Variants in CAMTA1 observed in about 807,000 individuals in gnomAD.
The protein encoded by CAMTA1 is calmodulin-binding transcription activator 1.
In CAMTA1, 27 loss-of-function variants were observed where a neutral mutation model predicts 170.9. That is an observed-to-expected ratio of 0.16 (90% CI 0.12 to 0.22). The LOEUF (loss-of-function observed/expected upper bound fraction) is 0.22. Ranked by LOEUF, CAMTA1 falls within the 10% of genes least tolerant of loss-of-function variation. CAMTA1 has a pLI of 1.00. For missense variants in CAMTA1, 1,619 were observed against 2,217.2 expected (o/e 0.73, Z 5.42); for synonymous variants, 833 against 891.5 (o/e 0.93, Z 1.17).
In CAMTA1 at chr1:7,432,617, G is replaced by A. The variant is rs151225116; in HGVS notation, c.439-35213G>A. Among the ~76,000 whole-genome samples, 1,187 of 152,262 alleles carry A rather than the reference G, an allele frequency of 7.8e-3. 20 individuals are homozygous for A. The highest frequency in any genetic ancestry group is 0.027 in the African/African-American group (1,116 of 41,548). On this transcript the variant is annotated intron_variant, in intron 5 of 22. Coordinates refer to ENST00000303635, the MANE Select transcript of CAMTA1 (RefSeq NM_015215.4). ...GGGCCAGGGCCAGTGCTCTGCCTCC[G>A]TCCGGGCCTCAGCCCACCTCTGGTG...
At chr1:6,902,072 C>CAAAAAAA (rs1553180442) in intron 3 of CAMTA1, among the ~76,000 whole-genome samples, 26 of 88,470 alleles carry the variant, frequency 2.9e-4, no homozygotes, top group Middle Eastern at 6.6e-3. Context: ...CACACACACA[C>CAAAAAAA]AAAAAAAAAA....
chr1:7,407,331 C>T (rs1016843343), intron 5 of CAMTA1, among the ~76,000 whole-genome samples: 3 of 152,062 alleles, frequency 2.0e-5, no homozygotes, highest in African/African-American at 2.4e-5. Flanking sequence ...AGCCCAGGCT[C>T]GGGGAGGGCA....
Position 7,747,936 on chromosome 1 carries a change from G to A in CAMTA1, c.4689+155G>A, listed in dbSNP as rs76631582. ...TTTTTTTTTATTTTTTTTTTGAAAC[G>A]GAGTCTGGCTGTGTCGCCCAGGCTG... On this transcript the variant is annotated intron_variant, in intron 19 of 22. Transcript: ENST00000303635. Among the ~76,000 whole-genome samples, 29 of 149,690 alleles carry A rather than the reference G, an allele frequency of 1.9e-4. No individual in the cohort carries two copies. In the East Asian group the frequency reaches 5.1e-3, roughly 26 times the overall value.
At chr1:7,489,520 G>A (rs761954045) in intron 6 of CAMTA1, among the ~76,000 whole-genome samples, 22 of 152,320 alleles carry the variant, frequency 1.4e-4, no homozygotes, top group Middle Eastern at 6.8e-3. Flanking sequence ...GCATCCATGC[G>A]TGTTAGGGGT....
chr1:6,795,104 G>T (rs983904173), intron 1 of CAMTA1, among the ~76,000 whole-genome samples: 2 of 152,130 alleles, frequency 1.3e-5, no homozygotes, highest in Non-Finnish European at 2.9e-5. Flanking sequence ...AAGATTTAAA[G>T]TTGGGGGGCG....
chr1:7,701,046 C>A (rs945628225), intron 11 of CAMTA1: 1 of 152,328 alleles, frequency 6.6e-6, no homozygotes, highest in South Asian at 2.1e-4. Flanking sequence ...ACAAAAAAAT[C>A]CTTTGTAGAA....
intron 7 of CAMTA1, among the ~76,000 whole-genome samples, chr1:7,647,283 G>GGT (rs1276942359): frequency 6.6e-6 from 1 of 151,888 alleles, no homozygotes; most frequent in Non-Finnish European, 1.5e-5. Flanking sequence ...CCAGAAGGGG[G>GGT]GGGGGCTGTG....
At chr1:6,920,755 T>C (rs903669939) in intron 3 of CAMTA1, among the ~76,000 whole-genome samples, 2 of 152,244 alleles carry the variant, frequency 1.3e-5, no homozygotes, top group Non-Finnish European at 2.9e-5. Context: ...TGCCAAGGCT[T>C]AGGGCTTCCA....
At chr1:7,166,938 G>A (rs1047282635) in intron 4 of CAMTA1, among the ~76,000 whole-genome samples, 1 of 151,488 alleles carries the variant, frequency 6.6e-6, no homozygotes, top group Non-Finnish European at 1.5e-5. Flanking sequence ...AGCCTGCTGA[G>A]TATCTGAGAT....
At chr1:7,425,234 A>G (rs2091812938) in intron 5 of CAMTA1, among the ~76,000 whole-genome samples, 1 of 152,202 alleles carries the variant, frequency 6.6e-6, no homozygotes, top group Admixed American at 6.5e-5. Flanking sequence ...GAAGAGGCTC[A>G]GAGAAGGTGC....
chr1:7,509,798 C>T lies in CAMTA1; in HGVS notation c.510+41897C>T, dbSNP rs905695365. Reference sequence around the variant, plus strand: ...AGAGGCTAGGAGACCTGGGCTTTGCCTCCTGGTGTGAGGGGATGTGGACAT... The same window carrying T: ...AGAGGCTAGGAGACCTGGGCTTTGCTTCCTGGTGTGAGGGGATGTGGACAT... On this transcript the variant is annotated intron_variant, in intron 6 of 22. Transcript: ENST00000303635. Among the ~76,000 whole-genome samples, 3 of 152,102 alleles carry T rather than the reference C, an allele frequency of 2.0e-5. No homozygotes were observed. In the East Asian group the frequency reaches 5.8e-4, roughly 29 times the overall value.
intron 3 of CAMTA1, among the ~76,000 whole-genome samples, chr1:6,825,994 C>T (rs1352436862): frequency 6.6e-6 from 1 of 152,124 alleles, no homozygotes; most frequent in Non-Finnish European, 1.5e-5. Flanking sequence ...CTGGTTTTGC[C>T]AAGTTCCATT....
intron 3 of CAMTA1, among the ~76,000 whole-genome samples, chr1:6,902,745 A>G (rs1677408211): frequency 6.6e-6 from 1 of 152,244 alleles, no homozygotes; most frequent in Non-Finnish European, 1.5e-5. Context: ...AGGGAAATAC[A>G]AGTTAAAACC....
chr1:6,818,874 C>G (rs1408443458), intron 1 of CAMTA1, among the ~76,000 whole-genome samples: 3 of 151,708 alleles, frequency 2.0e-5, no homozygotes, highest in African/African-American at 7.3e-5. Flanking sequence ...CTCCTAAGCT[C>G]AAATAATCCA....
chr1:6,991,530 A>G (rs1357365073), intron 3 of CAMTA1, among the ~76,000 whole-genome samples: 1 of 152,154 alleles, frequency 6.6e-6, no homozygotes, highest in African/African-American at 2.4e-5. Flanking sequence ...TTTGTGACAT[A>G]TCTGCTCCAA....
intron 5 of CAMTA1, among the ~76,000 whole-genome samples, chr1:7,348,539 G>A (rs1214198078): frequency 6.6e-6 from 1 of 151,212 alleles, no homozygotes. Context: ...GGCAGAAACA[G>A]GGTAAAGGTT....
chr1:7,166,105 C>T (rs995655737), intron 4 of CAMTA1, among the ~76,000 whole-genome samples: 9 of 151,262 alleles, frequency 5.9e-5, no homozygotes, highest in Non-Finnish European at 7.4e-5. Flanking sequence ...CTCGCTCTGT[C>T]GCCCAGGCTA....
rs111501680 is a variant in CAMTA1 at position 7,585,636 on chromosome 1, G to A, written c.511-54764G>A. The stretch of plus-strand genomic sequence containing the variant: ...GCTGGCTACTGGTGCAGAGGGCAAG[G>A]GCAGGAGGCTGCAGGAGGACAATGG... On this transcript the variant is annotated intron_variant, in intron 6 of 22. Transcript: ENST00000303635. The surrounding 1 kb of genome is among the most constrained non-coding windows in gnomAD (Gnocchi z 4.8). Among the ~76,000 whole-genome samples the A allele has an allele frequency of 9.7e-3, 1,481 of 152,230 alleles. 17 individuals are homozygous for A. The highest frequency in any genetic ancestry group is 0.034 in the African/African-American group (1,423 of 41,520).
intron 4 of CAMTA1, among the ~76,000 whole-genome samples, chr1:7,232,096 C>T (rs567205413): frequency 3.3e-5 from 5 of 152,324 alleles, no homozygotes; most frequent in South Asian, 2.1e-4. Context: ...GCAGAGAGAG[C>T]GGGGCCTGTT....
Sources: gnomAD v4.1 joint callset for allele counts (sites outside exome capture counted in the v4.1 genomes callset) on GRCh38, gnomAD v4.1.1 for gene constraint, Gnocchi (gnomAD v3.1) non-coding constraint, MANE v1.5 for transcripts, NCBI Gene and HGNC (gene_info 2026-07-23, HGNC 2026-07-21) for gene names.